Variants in CCDC171 observed in about 807,000 individuals in gnomAD.
CCDC171 encodes coiled-coil domain-containing protein 171.
Under a neutral mutation model 168.2 loss-of-function variants are expected in CCDC171, and 177 were observed. That is an observed-to-expected ratio of 1.05 (90% confidence interval 0.93 to 1.19). CCDC171 has a LOEUF of 1.19. Ranked by LOEUF, CCDC171 falls within the 50% of genes most tolerant of loss-of-function variation. CCDC171 has a pLI of 0.00. For missense variants in CCDC171, 1,991 were observed against 1,539.0 expected (o/e 1.29, Z -4.91); for synonymous variants, 687 against 540.8 (o/e 1.27, Z -3.75).
intron 18 of CCDC171, among the ~76,000 whole-genome samples, chr9:15,758,305 A>G (rs1387489190): frequency 6.6e-6 from 1 of 152,200 alleles, no homozygotes; most frequent in African/African-American, 2.4e-5. Context: ...AAAGGAGATC[A>G]TTTTGGAGCT....
In CCDC171 at chr9:15,633,834, G is replaced by C. The variant is rs200462683; in HGVS notation, c.822+10421G>C. Among the ~76,000 whole-genome samples, 1,151 of 152,246 alleles carry C rather than the reference G, an allele frequency of 7.6e-3. 9 individuals are homozygous for C. The highest frequency in any genetic ancestry group is 0.026 in the African/African-American group (1,085 of 41,542). On this transcript the variant is annotated intron_variant, in intron 7 of 25. Coordinates refer to ENST00000380701, the MANE Select transcript of CCDC171 (RefSeq NM_173550.4). ...TGTGGCAGATATACACCATGGAATA[G>C]TATGCAGCCATAAAAAATGATGAGT...
intron 7 of CCDC171, among the ~76,000 whole-genome samples, chr9:15,637,067 C>T (rs1322678972): frequency 6.6e-6 from 1 of 151,932 alleles, no homozygotes; most frequent in Non-Finnish European, 1.5e-5. Context: ...ACCAGCCTGG[C>T]CAACATGGTG....
At chr9:15,554,765 G>A (rs1051793047) in intron 1 of CCDC171, among the ~76,000 whole-genome samples, 2 of 152,136 alleles carry the variant, frequency 1.3e-5, no homozygotes, top group South Asian at 4.1e-4. Flanking sequence ...AAAGAGGATG[G>A]ACTTAGCCAG....
At chr9:15,628,889 G>A (rs372026147) in intron 7 of CCDC171, among the ~76,000 whole-genome samples, 6 of 152,196 alleles carry the variant, frequency 3.9e-5, no homozygotes, top group Non-Finnish European at 7.3e-5. Context: ...CCGCTGTTCT[G>A]CAGCCACCGC....
intron 1 of CCDC171, among the ~76,000 whole-genome samples, chr9:15,556,135 A>T (rs2038777075): frequency 6.6e-6 from 1 of 152,168 alleles, no homozygotes; most frequent in Non-Finnish European, 1.5e-5. Flanking sequence ...ATGGTGCCGC[A>T]ATAAACATAT....
At chr9:16,107,596 C>T in the CCDC171 span, among the ~76,000 whole-genome samples, 13 of 151,902 alleles carry the variant, frequency 8.6e-5, no homozygotes, top group African/African-American at 2.7e-4. Flanking sequence ...CCCATTTGTA[C>T]GTACACATAT....
At chr9:15,651,981 C>G (rs1368317514) in intron 7 of CCDC171, among the ~76,000 whole-genome samples, 1 of 152,102 alleles carries the variant, frequency 6.6e-6, no homozygotes, top group African/African-American at 2.4e-5. Flanking sequence ...GATCTCAGCT[C>G]ACTGAAGTCT....
intron 11 of CCDC171, among the ~76,000 whole-genome samples, chr9:15,708,128 A>C (rs999555472): frequency 2.0e-5 from 3 of 151,988 alleles, no homozygotes; most frequent in Non-Finnish European, 4.4e-5. Flanking sequence ...GATTACAGGC[A>C]TGAGCCACTG....
At chr9:16,010,933 A>G (rs2987079) in intron 3 of CCDC171, among the ~76,000 whole-genome samples, 86,130 of 151,848 alleles carry the variant, frequency 0.57, 24,641 homozygotes, top group East Asian at 0.66. Flanking sequence ...CATGTGGTAG[A>G]GCCTGATTCG....
At position 15,727,940 on chromosome 9, in the gene CCDC171, A is replaced by C; in HGVS notation, c.1764A>C (p.Glu588Asp). The C allele has an allele frequency of 6.2e-7, 1 of 1,613,480 alleles. No individual in the cohort carries two copies. The highest frequency in any genetic ancestry group is 8.5e-7 in the Non-Finnish European group (1 of 1,179,636). The change falls in exon 15 of 26, where the codon GAA becomes GAC. Residue 588 changes from glutamate to aspartate, a missense_variant. Physicochemically the swap from Glu to Asp is conservative, Grantham distance 45. Transcript: ENST00000380701. ...GCTGTGTGCTCATAAAACAACCAGA[A>C]GGCATGCTGGATAAATTCTCTTGGT... The part of the protein sequence containing the change: ...VAGCVLIKQP[E>D]GMLDKFSWSE...
chr9:15,766,021 A>G (rs911957565), intron 18 of CCDC171, among the ~76,000 whole-genome samples: 4 of 152,220 alleles, frequency 2.6e-5, no homozygotes, highest in Middle Eastern at 3.2e-3. Flanking sequence ...ACTTTCCAGT[A>G]TAATGAAAAT....
chr9:15,959,842 T>A (rs145907470), intron 25 of CCDC171, among the ~76,000 whole-genome samples: 1 of 152,102 alleles, frequency 6.6e-6, no homozygotes, highest in Non-Finnish European at 1.5e-5. Context: ...AGGTAGAAAC[T>A]GAAAGAAATG....
chr9:15,946,833 C>G (rs1828455795), intron 25 of CCDC171, among the ~76,000 whole-genome samples: 1 of 151,954 alleles, frequency 6.6e-6, no homozygotes, highest in Non-Finnish European at 1.5e-5. Context: ...ATTTTTGTAC[C>G]TCTGCCTAAG....
intron 6 of CCDC171, among the ~76,000 whole-genome samples, chr9:15,594,752 T>TTC (rs2042221297): frequency 6.6e-6 from 1 of 152,120 alleles, no homozygotes; most frequent in Non-Finnish European, 1.5e-5. Context: ...GGTCTCTGAA[T>TTC]TCTCACTCCA....
chr9:15,936,821 G>A (rs1827174260), intron 25 of CCDC171, among the ~76,000 whole-genome samples: 1 of 151,980 alleles, frequency 6.6e-6, no homozygotes, highest in South Asian at 2.1e-4. Flanking sequence ...GGGCATGTCA[G>A]CCGTTATTAG....
At chr9:15,627,082 A>C (rs1001602050) in intron 7 of CCDC171, among the ~76,000 whole-genome samples, 1 of 152,178 alleles carries the variant, frequency 6.6e-6, no homozygotes, top group Non-Finnish European at 1.5e-5. Context: ...CATTTCTTCT[A>C]GATTTTCTAG....
At chr9:15,986,417 A>C (rs1831989622) in intron 3 of CCDC171, among the ~76,000 whole-genome samples, 1 of 152,200 alleles carries the variant, frequency 6.6e-6, no homozygotes, top group Non-Finnish European at 1.5e-5. Context: ...TAAGACACTT[A>C]AAGTTCTCTT....
At chr9:15,836,005 TAA>T (rs1023291804) in intron 21 of CCDC171, among the ~76,000 whole-genome samples, 2 of 152,204 alleles carry the variant, frequency 1.3e-5, no homozygotes, top group African/African-American at 4.8e-5. Context: ...CATACTCACC[TAA>T]GTCTCAGATG....
At chr9:15,663,015 ACAAC>A (rs2048443096) in intron 8 of CCDC171, among the ~76,000 whole-genome samples, 1 of 148,372 alleles carries the variant, frequency 6.7e-6, no homozygotes, top group Non-Finnish European at 1.5e-5. Flanking sequence ...AACAACAACA[ACAAC>A]AACAAATTGC....
Sources: gnomAD v4.1 joint callset for allele counts (sites outside exome capture counted in the v4.1 genomes callset) on GRCh38, gnomAD v4.1.1 for gene constraint, MANE v1.5 for transcripts, NCBI Gene and HGNC (gene_info 2026-07-23, HGNC 2026-07-21) for gene names.